Variants in CSNK2A2IP observed in about 807,000 individuals in gnomAD.
CSNK2A2IP encodes the protein casein kinase 2 subunit alpha' interacting protein.
At chr3:88,393,323 A>T in the CSNK2A2IP span, among the ~76,000 whole-genome samples, 3 of 152,224 alleles carry the variant, frequency 2.0e-5, no homozygotes, top group Non-Finnish European at 4.4e-5. Context: ...CTCAACCTAG[A>T]CTATAAGTAC....
At chr3:88,399,760 A>G in the CSNK2A2IP span, 1 of 152,184 alleles carries the variant, frequency 6.6e-6, no homozygotes, top group Admixed American at 6.5e-5. Flanking sequence ...GAAAGGAGAG[A>G]TGGAAAACCT....
chr3:88,388,416 CT>C, the CSNK2A2IP span, among the ~76,000 whole-genome samples: 1 of 152,238 alleles, frequency 6.6e-6, no homozygotes, highest in African/African-American at 2.4e-5. Flanking sequence ...TATATAAAAG[CT>C]TTTTTGCAAA....
At chr3:88,338,746 G>A in the CSNK2A2IP span, 1 of 152,012 alleles carries the variant, frequency 6.6e-6, no homozygotes, top group Admixed American at 6.6e-5. Context: ...CAAATTGGTG[G>A]GCTATTTTTT....
At chr3:88,410,612 A>C in the CSNK2A2IP span, among the ~76,000 whole-genome samples, 1 of 152,050 alleles carries the variant, frequency 6.6e-6, no homozygotes, top group South Asian at 2.1e-4. Context: ...TTTCAGGTTA[A>C]ATATAAATAA....
At chr3:88,342,901 G>C in the CSNK2A2IP span, among the ~76,000 whole-genome samples, 1 of 151,900 alleles carries the variant, frequency 6.6e-6, no homozygotes, top group South Asian at 2.1e-4. Flanking sequence ...TAGCCACCAA[G>C]GGGCTATGAG....
the CSNK2A2IP span, among the ~76,000 whole-genome samples, chr3:88,352,219 A>T: frequency 6.6e-6 from 1 of 152,070 alleles, no homozygotes; most frequent in Non-Finnish European, 1.5e-5. Context: ...TCTCTCATCT[A>T]TCTACCTATC....
At chr3:88,421,238 A>T in the CSNK2A2IP span, among the ~76,000 whole-genome samples, 1 of 152,088 alleles carries the variant, frequency 6.6e-6, no homozygotes, top group East Asian at 1.9e-4. Flanking sequence ...ATTATTTATT[A>T]TGTCCATGTC....
At chr3:88,341,701 T>C in the CSNK2A2IP span, among the ~76,000 whole-genome samples, 92 of 152,100 alleles carry the variant, frequency 6.0e-4, 1 homozygote, top group East Asian at 0.014. Context: ...CCTTGAACTA[T>C]TTTCAGACAC....
the CSNK2A2IP span, among the ~76,000 whole-genome samples, chr3:88,396,376 A>G: frequency 6.6e-6 from 1 of 152,128 alleles, no homozygotes; most frequent in African/African-American, 2.4e-5. Flanking sequence ...AAGTGCTGGG[A>G]TTACAGGCGT....
At chr3:88,356,609 C>A in the CSNK2A2IP span, among the ~76,000 whole-genome samples, 7 of 151,970 alleles carry the variant, frequency 4.6e-5, no homozygotes, top group African/African-American at 1.5e-4. Context: ...TGGATATATA[C>A]CTAGCAGTGA....
chr3:88,401,462 T>C, the CSNK2A2IP span, among the ~76,000 whole-genome samples: 1 of 152,120 alleles, frequency 6.6e-6, no homozygotes, highest in African/African-American at 2.4e-5. Context: ...AAATTTTCAT[T>C]AAATTATAAA....
the CSNK2A2IP span, among the ~76,000 whole-genome samples, chr3:88,461,837 C>T: frequency 6.6e-6 from 1 of 152,024 alleles, no homozygotes; most frequent in Non-Finnish European, 1.5e-5. Context: ...ATTGTCATGG[C>T]TCACTGCAGC....
the CSNK2A2IP span, among the ~76,000 whole-genome samples, chr3:88,435,646 G>A: frequency 1.1e-3 from 174 of 152,046 alleles, no homozygotes; most frequent in Non-Finnish European, 1.9e-3. Flanking sequence ...TATTACTTGC[G>A]GCCTTTAAAA....
At chr3:88,348,476 A>C in the CSNK2A2IP span, among the ~76,000 whole-genome samples, 1 of 152,068 alleles carries the variant, frequency 6.6e-6, no homozygotes, top group Non-Finnish European at 1.5e-5. Context: ...TCCAGAAGAC[A>C]CTATAGAAAA....
chr3:88,403,520 C>A, the CSNK2A2IP span, among the ~76,000 whole-genome samples: 3 of 152,060 alleles, frequency 2.0e-5, no homozygotes, highest in African/African-American at 7.2e-5. Context: ...AGCCTTGACC[C>A]CTTAGCTTGC....
the CSNK2A2IP span, among the ~76,000 whole-genome samples, chr3:88,368,016 G>A: frequency 2.0e-5 from 3 of 151,904 alleles, no homozygotes; most frequent in African/African-American, 7.3e-5. Flanking sequence ...AAGAATTATG[G>A]GGATCAAAAA....
chr3:88,372,519 T>A, the CSNK2A2IP span, among the ~76,000 whole-genome samples: 19 of 151,338 alleles, frequency 1.3e-4, no homozygotes. Flanking sequence ...AAAAGTTAAG[T>A]TATATGACAA....
the CSNK2A2IP span, among the ~76,000 whole-genome samples, chr3:88,358,139 T>C: frequency 6.6e-6 from 1 of 152,190 alleles, no homozygotes; most frequent in Non-Finnish European, 1.5e-5. Context: ...TTCCAGATTG[T>C]TTACTATTGG....
At chr3:88,445,893 C>T in the CSNK2A2IP span, among the ~76,000 whole-genome samples, 1 of 151,144 alleles carries the variant, frequency 6.6e-6, no homozygotes, top group Non-Finnish European at 1.5e-5. Flanking sequence ...TTCTTTCTTT[C>T]TCTTTCTTTC....
Sources: allele counts gnomAD v4.1 joint callset (sites outside exome capture counted in the v4.1 genomes callset), GRCh38; gene constraint gnomAD v4.1.1; transcripts MANE v1.5; gene names NCBI Gene and HGNC (gene_info 2026-07-23, HGNC 2026-07-21).